PRIMA1: variants seen among roughly 807,000 people sequenced by gnomAD.
PRIMA1 encodes proline rich membrane anchor 1.
In PRIMA1, 7 loss-of-function variants were observed where a neutral mutation model predicts 17.5. The ratio of observed to expected loss-of-function variants is 0.40; its 90% confidence interval spans 0.23 to 0.75. The LOEUF is 0.75. Ranked by LOEUF, PRIMA1 falls within the 30% of genes least tolerant of loss-of-function variation. The pLI is 0.37. For missense variants in PRIMA1, 200 were observed against 201.8 expected, an observed-to-expected ratio of 0.99 and a Z score of 0.05; for synonymous variants, 97 against 77.9, an observed-to-expected ratio of 1.25 and a Z score of -1.29.
intron 3 of PRIMA1, among the ~76,000 whole-genome samples, chr14:93,748,046 G>GTC (rs2076235854): frequency 2.2e-5 from 2 of 92,854 alleles, no homozygotes; most frequent in African/African-American, 7.4e-5. Flanking sequence ...GGGAGTGTGT[G>GTC]AGTGTGTGTA....
intron 3 of PRIMA1, among the ~76,000 whole-genome samples, chr14:93,771,630 T>G (rs1885073292): frequency 6.6e-6 from 1 of 152,132 alleles, no homozygotes; most frequent in Non-Finnish European, 1.5e-5. Flanking sequence ...TATGTTGGTG[T>G]TGTAGCTTTT....
intron 3 of PRIMA1, among the ~76,000 whole-genome samples, chr14:93,778,277 C>T (rs1566978037): frequency 1.3e-5 from 2 of 152,162 alleles, no homozygotes; most frequent in Non-Finnish European, 2.9e-5. Flanking sequence ...AGGAATGGGC[C>T]ACAGGGTGTC....
chr14:93,744,604 G>T (rs1016278635), intron 3 of PRIMA1, among the ~76,000 whole-genome samples: 1 of 152,210 alleles, frequency 6.6e-6, no homozygotes, highest in Non-Finnish European at 1.5e-5. Flanking sequence ...ACAGAGAAAT[G>T]AGAAATCTCC....
chr14:93,753,855 G>A (rs529265978), intron 3 of PRIMA1, among the ~76,000 whole-genome samples: 9 of 152,232 alleles, frequency 5.9e-5, no homozygotes, highest in African/African-American at 1.7e-4. Flanking sequence ...CCGGAAACAC[G>A]AAATCCCACA....
Position 93,761,433 on chromosome 14 carries a change from C to T in PRIMA1, c.229+17743G>A, listed in dbSNP as rs1241780408. ...TGCATGATTTTGGGACTAACCTCCC[C>T]AGTCTCATTTACACCACTGTCCCTC... On this transcript the variant is annotated intron_variant, in intron 3 of 4. Coordinates refer to ENST00000393140, the MANE Select transcript of PRIMA1 (RefSeq NM_178013.4). Among the ~76,000 whole-genome samples the T allele has an allele frequency of 2.6e-5, 4 of 152,298 alleles. No individual in the cohort carries two copies. In the East Asian group the frequency reaches 7.7e-4, roughly 29 times the overall value.
chr14:93,774,485 CA>C (rs1885152955), intron 3 of PRIMA1, among the ~76,000 whole-genome samples: 1 of 152,208 alleles, frequency 6.6e-6, no homozygotes, highest in Non-Finnish European at 1.5e-5. Context: ...CCCTTTATGC[CA>C]GACACACACA....
At chr14:93,768,396 G>A (rs1381229835) in intron 3 of PRIMA1, among the ~76,000 whole-genome samples, 1 of 152,180 alleles carries the variant, frequency 6.6e-6, no homozygotes. Context: ...TTTGATACAG[G>A]TCTCTTTGTG....
Position 93,779,217 on chromosome 14 carries a change from G to GC in PRIMA1, c.187_188insG (p.Pro63ArgfsTer24). On this transcript the variant is annotated frameshift_variant, in exon 3 of 5. Transcript: ENST00000393140. LOFTEE classifies it high-confidence loss of function. ...TCTGGGAGGTGGCGGGGGTGGGGGC[G>GC]GCGGGGGCAGCGGGGGAGGGGGCCG... is the stretch of plus-strand genomic sequence containing the variant. 7.7e-7 allele frequency: 1 copy of GC among 1,304,876 alleles called. No homozygotes were observed. Among genetic ancestry groups the GC allele is most frequent in the Non-Finnish European group, 1.0e-6 (1 of 977,852 alleles). 80.8% of individuals were successfully genotyped at this position (1,304,876 alleles called of 1,614,324 possible).
At chr14:93,737,439 C>G in intron 3 of PRIMA1, 69 bp from the exon 4 acceptor site, 1 of 1,566,524 alleles carries the variant, frequency 6.4e-7, no homozygotes, top group Non-Finnish European at 8.7e-7. Flanking sequence ...AGAGGTGGGA[C>G]CATCATGGGT....
chr14:93,738,462 A>G, intron 3 of PRIMA1, among the ~76,000 whole-genome samples: 1 of 152,180 alleles, frequency 6.6e-6, no homozygotes, highest in East Asian at 1.9e-4. Flanking sequence ...GAAGGAAGGG[A>G]TGGACGGATG....
chr14:93,724,452 C>T (rs2076061809), intron 4 of PRIMA1, among the ~76,000 whole-genome samples: 1 of 152,156 alleles, frequency 6.6e-6, no homozygotes. Flanking sequence ...CTGCCCTGGG[C>T]CTTTTGCTCC....
At chr14:93,731,270 G>C (rs2076112954) in intron 4 of PRIMA1, among the ~76,000 whole-genome samples, 1 of 152,196 alleles carries the variant, frequency 6.6e-6, no homozygotes, top group Non-Finnish European at 1.5e-5. Flanking sequence ...TTCCACAGTG[G>C]AAAGTAAATA....
At chr14:93,760,216 C>T (rs1201704966) in intron 3 of PRIMA1, among the ~76,000 whole-genome samples, 3 of 152,160 alleles carry the variant, frequency 2.0e-5, no homozygotes, top group African/African-American at 4.8e-5. Context: ...CACACATGAG[C>T]GGGGAACTCG....
At chr14:93,780,649 C>CA (rs146314206) in intron 2 of PRIMA1, among the ~76,000 whole-genome samples, 3,009 of 152,258 alleles carry the variant, frequency 0.02, 94 homozygotes, top group African/African-American at 0.068. Flanking sequence ...CCGATTAAAT[C>CA]AAAATTTTGC....
Position 93,718,509 on chromosome 14 carries a change from TA to T in PRIMA1, c.*2934del, listed in dbSNP as rs1173399725. 1 of 152,588 alleles carries T rather than the reference TA, an allele frequency of 6.6e-6. No homozygotes were observed. The allele number at this position is 152,588 out of a possible 1,614,324, so 9.5% of individuals were successfully genotyped here. A position where few individuals can be genotyped will look rare whatever the true frequency, so the allele number is the denominator to read the frequency against. ...CCAGGAGCAACTGTCCTCTCTCCAGTACACGCGGCACGTTGCTAAGAAGGCA... is the reference window on the plus strand; with the variant it reads ...CCAGGAGCAACTGTCCTCTCTCCAGTCACGCGGCACGTTGCTAAGAAGGCA... On this transcript the variant is annotated 3_prime_UTR_variant, in exon 5 of 5. Coordinates refer to ENST00000393140, the MANE Select transcript of PRIMA1 (RefSeq NM_178013.4).
chr14:93,777,062 GA>G (rs1053713087), intron 3 of PRIMA1, among the ~76,000 whole-genome samples: 1 of 152,124 alleles, frequency 6.6e-6, no homozygotes. Flanking sequence ...TTTATTTAAA[GA>G]AAAAAATAAG....
At chr14:93,724,272 A>G (rs1289472988) in intron 4 of PRIMA1, among the ~76,000 whole-genome samples, 3 of 152,212 alleles carry the variant, frequency 2.0e-5, no homozygotes, top group Non-Finnish European at 4.4e-5. Context: ...GTCCTCCAAG[A>G]AAACTGTCTC....
intron 3 of PRIMA1, among the ~76,000 whole-genome samples, chr14:93,770,535 T>C (rs138150464): frequency 7.9e-5 from 12 of 152,284 alleles, no homozygotes; most frequent in Non-Finnish European, 1.8e-4. Flanking sequence ...CAGATCTTCC[T>C]CCACCAGCTA....
At chr14:93,781,750 G>A (rs969637124) in intron 2 of PRIMA1, among the ~76,000 whole-genome samples, 1 of 152,034 alleles carries the variant, frequency 6.6e-6, no homozygotes, top group African/African-American at 2.4e-5. Context: ...CAAGGCGGGC[G>A]GATCACCTGA....
Sources: gnomAD v4.1 joint callset for allele counts (sites outside exome capture counted in the v4.1 genomes callset) on GRCh38, gnomAD v4.1.1 for gene constraint, MANE v1.5 for transcripts, NCBI Gene and HGNC (gene_info 2026-07-23, HGNC 2026-07-21) for gene names.